Variants in SIL1 observed in about 807,000 individuals in gnomAD.
SIL1 encodes the protein SIL1 nucleotide exchange factor.
A neutral mutation model predicts 49.1 loss-of-function variants in SIL1; 40 were observed. That is an observed-to-expected ratio of 0.81 (90% CI 0.63 to 1.06). The LOEUF (loss-of-function observed/expected upper bound fraction) is 1.06, where lower values mean the gene tolerates loss of function less well. SIL1 is among the 50% of genes least tolerant of loss of function. The pLI, the probability that SIL1 is intolerant of heterozygous loss-of-function variation, is 0.00. For synonymous variants in SIL1, 253 were observed against 250.8 expected (o/e 1.01, Z -0.08); for missense variants, 500 against 572.6 (o/e 0.87, Z 1.29).
chr5:139,055,589 A>ACTCTCC (rs747907072), intron 3 of SIL1, among the ~76,000 whole-genome samples: 24 of 110,134 alleles, frequency 2.2e-4, no homozygotes, highest in East Asian at 2.5e-4. Flanking sequence ...AACATCACTG[A>ACTCTCC]CTCTCCCTCT....
chr5:139,145,674 GTGTGTGTA>G (rs1751182949), intron 1 of SIL1, among the ~76,000 whole-genome samples: 4 of 90,738 alleles, frequency 4.4e-5, no homozygotes, highest in African/African-American at 9.7e-5. Flanking sequence ...GTGTGTGTGT[GTGTGTGTA>G]TTTCCAATGG....
At chr5:139,197,290 A>T (rs1387423772) in intron 1 of SIL1, among the ~76,000 whole-genome samples, 1 of 151,328 alleles carries the variant, frequency 6.6e-6, no homozygotes, top group Admixed American at 6.6e-5. Context: ...AAAAAAAAAA[A>T]AACTGTTTAT....
chr5:139,019,964 C>G (rs772216838), intron 7 of SIL1, among the ~76,000 whole-genome samples: 6 of 152,222 alleles, frequency 3.9e-5, no homozygotes, highest in Non-Finnish European at 8.8e-5. Flanking sequence ...TCCTGGACTT[C>G]CTCATGACTG....
intron 1 of SIL1, among the ~76,000 whole-genome samples, chr5:139,143,326 C>CATAT (rs1751123890): frequency 7.8e-6 from 1 of 128,110 alleles, no homozygotes; most frequent in African/African-American, 3.7e-5. Flanking sequence ...CACACACACA[C>CATAT]ACACACACAC....
chr5:139,112,186 A>G (rs1437140912), intron 3 of SIL1, among the ~76,000 whole-genome samples: 1 of 152,156 alleles, frequency 6.6e-6, no homozygotes, highest in Non-Finnish European at 1.5e-5. Context: ...GCGTGATCTC[A>G]GCTAGCTACA....
chr5:139,107,833 T>C (rs1409416663), intron 3 of SIL1, among the ~76,000 whole-genome samples: 1 of 152,232 alleles, frequency 6.6e-6, no homozygotes, highest in Non-Finnish European at 1.5e-5. Flanking sequence ...ATGTTTACCT[T>C]ATTTACTATT....
chr5:139,006,697 C>A (rs1436598083), intron 7 of SIL1, among the ~76,000 whole-genome samples: 1 of 149,532 alleles, frequency 6.7e-6, no homozygotes, highest in Non-Finnish European at 1.5e-5. Flanking sequence ...GTTTTCCCAG[C>A]ACCATTTATT....
At chr5:139,164,560 G>A (rs1751579475) in intron 1 of SIL1, among the ~76,000 whole-genome samples, 1 of 152,062 alleles carries the variant, frequency 6.6e-6, no homozygotes, top group African/African-American at 2.4e-5. Flanking sequence ...TGAAACTTGA[G>A]CTCTTTAAAG....
intron 1 of SIL1, among the ~76,000 whole-genome samples, chr5:139,128,509 C>T (rs998241948): frequency 6.6e-5 from 10 of 151,970 alleles, no homozygotes; most frequent in Non-Finnish European, 1.0e-4. Context: ...ATTAGCTAGG[C>T]ATGGTGGTGT....
chr5:139,011,398 T>C (rs1768268249), intron 7 of SIL1, among the ~76,000 whole-genome samples: 1 of 152,200 alleles, frequency 6.6e-6, no homozygotes, highest in African/African-American at 2.4e-5. Context: ...GTACCTCAGA[T>C]GGAAATGCAG....
At position 139,169,834 on chromosome 5, in the gene SIL1, C is replaced by CTCGG. The variant is rs1561888476; in HGVS notation, c.-11+28434_-11+28435insCCGA. On this transcript the variant is annotated intron_variant, in intron 1 of 9. Coordinates refer to ENST00000394817, the MANE Select transcript of SIL1 (RefSeq NM_022464.5). ...AGCTCTACTCCCTCTCCCCTCTCCC[C>CTCGG]TCTCCCTCTCCCCACGGTCTCCCTC... Among the ~76,000 whole-genome samples the CTCGG allele has an allele frequency of 2.0e-5, 3 of 151,594 alleles. No homozygotes were observed. In the South Asian group the frequency reaches 6.2e-4, roughly 32 times the overall value.
chr5:139,106,577 T>C (rs1770717216), intron 3 of SIL1, among the ~76,000 whole-genome samples: 1 of 152,152 alleles, frequency 6.6e-6, no homozygotes, highest in African/African-American at 2.4e-5. Context: ...TTAGAAAATA[T>C]GGGCTTCTGA....
intron 7 of SIL1, among the ~76,000 whole-genome samples, chr5:138,982,965 G>A (rs1022497923): frequency 3.3e-5 from 5 of 152,056 alleles, no homozygotes; most frequent in African/African-American, 1.2e-4. Flanking sequence ...GGGAGGCTGA[G>A]GCAGGCAGAT....
At chr5:139,132,285 G>A (rs752796195) in intron 1 of SIL1, among the ~76,000 whole-genome samples, 3 of 152,224 alleles carry the variant, frequency 2.0e-5, no homozygotes, top group African/African-American at 7.2e-5. Context: ...ACTCCTTGGA[G>A]TGGGAAGAGG....
At chr5:138,976,780 G>A (rs7735775) in intron 7 of SIL1, among the ~76,000 whole-genome samples, 21 of 151,818 alleles carry the variant, frequency 1.4e-4, no homozygotes, top group African/African-American at 4.8e-4. Flanking sequence ...TTACTTTAAC[G>A]TTTGAAAAGC....
intron 3 of SIL1, among the ~76,000 whole-genome samples, chr5:139,067,730 G>A (rs746609170): frequency 1.3e-5 from 2 of 152,166 alleles, no homozygotes; most frequent in African/African-American, 2.4e-5. Context: ...TGCAGCAACC[G>A]GCATCCTAAT....
intron 1 of SIL1, among the ~76,000 whole-genome samples, chr5:139,138,700 G>C (rs1191687932): frequency 1.3e-5 from 2 of 152,170 alleles, no homozygotes; most frequent in African/African-American, 2.4e-5. Flanking sequence ...AGATGACATA[G>C]AGCATATAGC....
chr5:139,035,611 AT>A, intron 5 of SIL1: 1 of 285,942 alleles, frequency 3.5e-6, no homozygotes, highest in Admixed American at 4.2e-5. Flanking sequence ...CATGGCGCCC[AT>A]TTCACCCTCC....
intron 1 of SIL1, among the ~76,000 whole-genome samples, chr5:139,157,947 C>G (rs1329972330): frequency 6.6e-6 from 1 of 152,198 alleles, no homozygotes; most frequent in Non-Finnish European, 1.5e-5. Context: ...TTCAATCCTT[C>G]AAGGTTATTC....
Sources: gnomAD v4.1 joint callset for allele counts (sites outside exome capture counted in the v4.1 genomes callset) on GRCh38, gnomAD v4.1.1 for gene constraint, MANE v1.5 for transcripts, NCBI Gene and HGNC (gene_info 2026-07-23, HGNC 2026-07-21) for gene names.